Variants in AMZ1 observed in about 807,000 individuals in gnomAD.
AMZ1 encodes archaemetzincin-1.
Under a neutral mutation model 29.9 loss-of-function variants are expected in AMZ1, and 39 were observed. The observed-to-expected ratio is 1.30, with a 90% CI of 1.01 to 1.70. AMZ1 has a LOEUF of 1.70. Among genes scored for constraint, AMZ1 ranks in the 40% most tolerant of loss-of-function variants. AMZ1 has a pLI of 0.00. For missense variants in AMZ1, 1,041 were observed against 680.6 expected, an observed-to-expected ratio of 1.53 and a Z score of -5.89; for synonymous variants, 458 against 304.0, an observed-to-expected ratio of 1.51 and a Z score of -5.27.
chr7:2,698,226 A>G (rs1787851221), intron 1 of AMZ1, among the ~76,000 whole-genome samples: 1 of 152,132 alleles, frequency 6.6e-6, no homozygotes, highest in African/African-American at 2.4e-5. Flanking sequence ...TCTGTTAAAA[A>G]AAACAAAACA....
chr7:2,739,826 C>A (rs189060900), intron 4 of AMZ1, among the ~76,000 whole-genome samples: 1 of 152,182 alleles, frequency 6.6e-6, no homozygotes, highest in South Asian at 2.1e-4. Flanking sequence ...CGTGCGCCAC[C>A]AAACCTGGCT....
upstream of AMZ1, among the ~76,000 whole-genome samples, chr7:2,686,093 A>T (rs1787068086): frequency 6.6e-6 from 1 of 152,162 alleles, no homozygotes; most frequent in Non-Finnish European, 1.5e-5. Flanking sequence ...ACACCAGGAG[A>T]AACCAAAATA....
intron 1 of AMZ1, among the ~76,000 whole-genome samples, chr7:2,694,302 G>A (rs1046336884): frequency 2.6e-5 from 4 of 152,182 alleles, no homozygotes; most frequent in South Asian, 2.1e-4. Flanking sequence ...CTCTTGCCCC[G>A]GGACTGGATG....
At chr7:2,719,683 ATT>A (rs11426798), downstream of AMZ1, among the ~76,000 whole-genome samples, 18 of 147,386 alleles carry the variant, frequency 1.2e-4, no homozygotes, top group East Asian at 8.0e-4. Context: ...ATCAACCCCA[ATT>A]TTTTTTTTTT....
rs773979262 is a variant in AMZ1 at position 2,702,859 on chromosome 7, C to T, written c.442C>T (p.Arg148Trp). The T allele has an allele frequency of 5.2e-5, 82 of 1,587,220 alleles. No homozygotes were observed. Among genetic ancestry groups the T allele is most frequent in the East Asian group, 1.1e-4 (5 of 43,892 alleles). The stretch of plus-strand genomic sequence containing the variant: ...CATCCGCTGCTCCTCGCGGCCCAGC[C>T]GGGACTCTGACAGGCTCCAGCTCCA... ...ASIRCSSRPS[R>W]DSDRLQLHTD... The change falls in exon 3 of 7, where the codon CGG (arginine) becomes TGG (tryptophan). Residue 148 changes from arginine to tryptophan, a missense_variant. Coordinates refer to ENST00000683327, the MANE Select transcript of AMZ1 (RefSeq NM_001384743.1).
Position 2,712,509 on chromosome 7 carries a change from C to A in AMZ1, c.1128C>A (p.Thr376=). The part of the protein sequence containing the change: ...EPLTPDAGSH[T]FASGPEEGLS... ...TCACCCCTGATGCCGGGAGTCACAC[C>A]TTCGCCTCGGGGCCAGAGGAAGGGC... The change falls in exon 7 of 7, where the codon ACC becomes ACA. Residue 376 remains threonine, a synonymous_variant. Transcript: ENST00000683327. 1 of 1,608,560 alleles carries A rather than the reference C, an allele frequency of 6.2e-7. No homozygotes were observed.
rs1263584498 is a variant in AMZ1 at position 2,713,612 on chromosome 7, G to C, written c.*734G>C. ...CCTAACGGGGAAGTGACGGGGTTTT[G>C]TCTCTATCATCTCAGGCGTCAACCA... On this transcript the variant is annotated 3_prime_UTR_variant, in exon 7 of 7. Coordinates refer to ENST00000683327, the MANE Select transcript of AMZ1 (RefSeq NM_001384743.1). 1 of 152,506 alleles carries C rather than the reference G, an allele frequency of 6.6e-6. No individual in the cohort carries two copies. The highest frequency in any genetic ancestry group is 1.5e-5 in the Non-Finnish European group (1 of 68,152). 9.4% of individuals were successfully genotyped at this position (152,506 alleles called of 1,614,324 possible).
rs1310087025 is a variant in AMZ1, at chr7:2,713,616, C to T, written c.*738C>T. ...ACGGGGAAGTGACGGGGTTTTGTCT[C>T]TATCATCTCAGGCGTCAACCACATG... On this transcript the variant is annotated 3_prime_UTR_variant, in exon 7 of 7. Coordinates refer to ENST00000683327, the MANE Select transcript of AMZ1 (RefSeq NM_001384743.1). The T allele has an allele frequency of 6.6e-6, 1 of 152,492 alleles. No individual in the cohort carries two copies. The highest frequency in any genetic ancestry group is 1.5e-5 in the Non-Finnish European group (1 of 68,154). The allele number at this position is 152,492 out of a possible 1,614,324, so 9.4% of individuals were successfully genotyped here. A position where few individuals can be genotyped will look rare whatever the true frequency, so the allele number is the denominator to read the frequency against.
At chr7:2,760,943 C>T (rs1791525263), upstream of AMZ1, among the ~76,000 whole-genome samples, 2 of 152,224 alleles carry the variant, frequency 1.3e-5, no homozygotes, top group Admixed American at 6.5e-5. Flanking sequence ...CCCACTCCAG[C>T]TCCCCCTGTC....
At chr7:2,741,915 C>A (rs931737567) in intron 4 of AMZ1, among the ~76,000 whole-genome samples, 4 of 151,518 alleles carry the variant, frequency 2.6e-5, no homozygotes, top group Non-Finnish European at 5.9e-5. Context: ...TATACAGATA[C>A]AGCATTATAA....
chr7:2,706,294 G>T (rs969322969), intron 3 of AMZ1, among the ~76,000 whole-genome samples: 2 of 152,172 alleles, frequency 1.3e-5, no homozygotes, highest in Non-Finnish European at 2.9e-5. Flanking sequence ...AGCCTCCCAA[G>T]TAGCTGGGAC....
intron 1 of AMZ1, among the ~76,000 whole-genome samples, chr7:2,679,885 C>T (rs73281147): frequency 0.014 from 2,089 of 152,322 alleles, 45 homozygotes; most frequent in African/African-American, 0.047. Context: ...GAGCTTCATC[C>T]TGGGGCTTCA....
At chr7:2,688,632 G>T (rs771789600) in intron 1 of AMZ1, among the ~76,000 whole-genome samples, 1 of 152,206 alleles carries the variant, frequency 6.6e-6, no homozygotes, top group Admixed American at 6.5e-5. Context: ...AACTGGGGAC[G>T]GGTCGGGAAT....
intron 3 of AMZ1, among the ~76,000 whole-genome samples, chr7:2,706,633 A>C (rs1788368894): frequency 6.6e-6 from 1 of 152,222 alleles, no homozygotes; most frequent in Middle Eastern, 3.4e-3. Flanking sequence ...TCAGCCTTTG[A>C]CTTCCCGTGA....
intron 4 of AMZ1, among the ~76,000 whole-genome samples, chr7:2,740,931 G>A (rs990930480): frequency 8.5e-5 from 13 of 152,154 alleles, no homozygotes; most frequent in African/African-American, 3.1e-4. Flanking sequence ...TGTAGTCCCA[G>A]CTACTCAGGA....
chr7:2,749,906 TG>T (rs1287660321), intron 4 of AMZ1, among the ~76,000 whole-genome samples: 1 of 152,142 alleles, frequency 6.6e-6, no homozygotes, highest in Non-Finnish European at 1.5e-5. Context: ...CAGGCATCTT[TG>T]GGGCAATTCC....
At chr7:2,696,514 C>G (rs1466330248) in intron 1 of AMZ1, among the ~76,000 whole-genome samples, 1 of 151,084 alleles carries the variant, frequency 6.6e-6, no homozygotes, top group South Asian at 2.1e-4. Flanking sequence ...GCCTGGGCCT[C>G]CCAAAGTGCT....
downstream of AMZ1, among the ~76,000 whole-genome samples, chr7:2,722,293 GAC>G (rs1172443150): frequency 6.7e-6 from 1 of 149,086 alleles, no homozygotes; most frequent in Non-Finnish European, 1.5e-5. Flanking sequence ...TTTTTTTTGA[GAC>G]AGACTCTCGC....
In AMZ1 at chr7:2,712,704, G is replaced by T; in HGVS notation, c.1323G>T (p.Glu441Asp). 1.9e-6 allele frequency: 3 copies of T among 1,611,460 alleles called. No homozygotes were observed. The highest frequency in any genetic ancestry group is 2.5e-6 in the Non-Finnish European group (3 of 1,179,126). The change falls in exon 7 of 7, where the codon GAG becomes GAT. Residue 441 changes from glutamate to aspartate, a missense_variant. Glu to Asp is a conservative substitution (Grantham distance 45). Coordinates refer to ENST00000683327, the MANE Select transcript of AMZ1 (RefSeq NM_001384743.1). Reference protein sequence around the residue: ...DRAVDALDRWEMFTGQLPATR... With the variant: ...DRAVDALDRWDMFTGQLPATR... Reference sequence around the variant, plus strand: ...CCGTGGACGCCCTCGACCGCTGGGAGATGTTCACGGGCCAGCTCCCGGCCA... The same window carrying T: ...CCGTGGACGCCCTCGACCGCTGGGATATGTTCACGGGCCAGCTCCCGGCCA...
Sources: allele counts gnomAD v4.1 joint callset (sites outside exome capture counted in the v4.1 genomes callset), GRCh38; gene constraint gnomAD v4.1.1; transcripts MANE v1.5; gene names NCBI Gene and HGNC (gene_info 2026-07-23, HGNC 2026-07-21).